The following ARHGEF10L variants were observed in gnomAD, a reference collection of about 807,000 sequenced individuals.
ARHGEF10L encodes the protein rho guanine nucleotide exchange factor 10-like protein.
A neutral mutation model predicts 141.2 loss-of-function variants in ARHGEF10L; 69 were observed. That is an observed-to-expected ratio of 0.49 (90% CI 0.40 to 0.60). The LOEUF (loss-of-function observed/expected upper bound fraction) is 0.60, where lower values mean the gene tolerates loss of function less well. Ranked by LOEUF, ARHGEF10L falls within the 20% of genes least tolerant of loss-of-function variation. ARHGEF10L has a pLI of 0.00. For missense variants in ARHGEF10L, 1,482 were observed against 1,734.3 expected (o/e 0.85, Z 2.58); for synonymous variants, 711 against 718.5 (o/e 0.99, Z 0.17).
chr1:17,640,324 G>A, intron 21 of ARHGEF10L, 22 bp downstream of exon 21: 1 of 1,588,850 alleles, frequency 6.3e-7, no homozygotes, highest in African/African-American at 1.3e-5. Context: ...CCCAGGGAGA[G>A]TGCCTCAGGG....
chr1:17,572,194 G>A (rs563196448), intron 1 of ARHGEF10L, among the ~76,000 whole-genome samples: 6 of 152,316 alleles, frequency 3.9e-5, no homozygotes, highest in South Asian at 2.1e-4. Context: ...GGGAGGGTGC[G>A]GCCTGGGAGA....
intron 26 of ARHGEF10L, among the ~76,000 whole-genome samples, chr1:17,668,815 C>T (rs1313061826): frequency 1.3e-5 from 2 of 152,220 alleles, no homozygotes; most frequent in African/African-American, 4.8e-5. Context: ...TTTAATAAGC[C>T]ATGCTCCTGC....
chr1:17,691,907 C>T (rs1459703260), intron 27 of ARHGEF10L, among the ~76,000 whole-genome samples: 1 of 152,178 alleles, frequency 6.6e-6, no homozygotes, highest in African/African-American at 2.4e-5. Flanking sequence ...AGCCAAGGTA[C>T]TTGGCCAGGA....
rs748730506 is a variant in ARHGEF10L, at chr1:17,627,958, G to A, written c.1584+455G>A. ...AAGAGGGAGCTGGCAAAGTGGCTTC[G>A]TGATTGTCCTTAACACAAGAAGAAA... is the stretch of plus-strand genomic sequence containing the variant. On this transcript the variant is annotated intron_variant, in intron 15 of 28. Coordinates refer to ENST00000361221, the MANE Select transcript of ARHGEF10L (RefSeq NM_018125.4). This position sits in a 1 kb window ranked among gnomAD's most constrained non-coding sequence, Gnocchi z 4.0. 2.6e-5 allele frequency among the ~76,000 whole-genome samples: 4 copies of A among 152,000 alleles called. No homozygotes were observed. The highest frequency in any genetic ancestry group is 4.4e-5 in the Non-Finnish European group (3 of 68,016).
At position 17,623,044 on chromosome 1, in the gene ARHGEF10L, C is replaced by T. The variant is rs766538285; in HGVS notation, c.1069C>T (p.Arg357Cys). The T allele has an allele frequency of 6.2e-6, 10 of 1,613,986 alleles. No homozygotes were observed. Among genetic ancestry groups the T allele is most frequent in the African/African-American group, 2.7e-5 (2 of 74,944 alleles). The change falls in exon 12 of 29, where the codon CGC (arginine) becomes TGC (cysteine). Residue 357 changes from arginine to cysteine, a missense_variant. Physicochemically the swap from Arg to Cys is radical, Grantham distance 180. Transcript: ENST00000361221. The surrounding 1 kb of genome is among the most constrained non-coding windows in gnomAD (Gnocchi z 4.7). Reference protein sequence around the residue: ...MEMEPKALSARKCQVVFFRVK... With the variant: ...MEMEPKALSACKCQVVFFRVK... ...GATGGAGCCCAAGGCGCTGAGCGCC[C>T]GCAAGTGCCAGGTGGTGTTCTTCCG...
At chr1:17,612,492 A>G (rs1247008901) in intron 7 of ARHGEF10L, among the ~76,000 whole-genome samples, 1 of 151,940 alleles carries the variant, frequency 6.6e-6, no homozygotes, top group Non-Finnish European at 1.5e-5. Context: ...CCATCCCTCT[A>G]TGAGCCTGTT....
intron 2 of ARHGEF10L, 39 bp from the exon 3 acceptor site, chr1:17,587,421 G>A (rs773436520): frequency 1.1e-5 from 18 of 1,591,802 alleles, no homozygotes; most frequent in South Asian, 6.8e-5. Context: ...ACCAAACCTC[G>A]GAGATCCTGC....
chr1:17,593,008 G>A (rs2079700750), intron 4 of ARHGEF10L, among the ~76,000 whole-genome samples: 1 of 152,172 alleles, frequency 6.6e-6, no homozygotes. Flanking sequence ...TCCGAGGGTA[G>A]AAACAAGGGC....
intron 6 of ARHGEF10L, chr1:17,604,489 A>G (rs2080990793): frequency 6.6e-6 from 1 of 152,230 alleles, no homozygotes; most frequent in Non-Finnish European, 1.5e-5. Context: ...CTCTCCGTCC[A>G]ATGGGGAAGC....
rs1472436534 is a variant in ARHGEF10L, at chr1:17,539,723, G to C, written c.-271G>C. On this transcript the variant is annotated 5_prime_UTR_variant, in exon 1 of 29. Coordinates refer to ENST00000361221, the MANE Select transcript of ARHGEF10L (RefSeq NM_018125.4). The surrounding 1 kb of genome is among the most constrained non-coding windows in gnomAD (Gnocchi z 6.0). ...GCGTCGCGCACGGCGGCGGCGGCGG[G>C]ACCAGGCCTCGGAGCGCGGCGGGCG... is the stretch of plus-strand genomic sequence containing the variant. The C allele has an allele frequency of 1.4e-5, 2 of 146,546 alleles. No individual in the cohort carries two copies. The highest frequency in any genetic ancestry group is 2.0e-4 in the East Asian group (1 of 5,080). 9.1% of individuals were successfully genotyped at this position (146,546 alleles called of 1,614,324 possible).
At chr1:17,693,317 A>G (rs1039138826) in intron 27 of ARHGEF10L, among the ~76,000 whole-genome samples, 1 of 152,188 alleles carries the variant, frequency 6.6e-6, no homozygotes, top group East Asian at 1.9e-4. Context: ...CTCTATGTAC[A>G]TGGTCCCAGC....
At chr1:17,666,822 C>T (rs1264461456) in intron 26 of ARHGEF10L, among the ~76,000 whole-genome samples, 6 of 149,554 alleles carry the variant, frequency 4.0e-5, no homozygotes, top group Non-Finnish European at 5.9e-5. Context: ...CCCTTCCCAG[C>T]CCCTGGTTCA....
chr1:17,653,180 T>G (rs77072467), intron 22 of ARHGEF10L, among the ~76,000 whole-genome samples: 1 of 152,064 alleles, frequency 6.6e-6, no homozygotes, highest in East Asian at 1.9e-4. Context: ...GCTCTGTAGG[T>G]GAGGACCTGA....
At chr1:17,537,797 T>C (rs2076596778), upstream of ARHGEF10L, among the ~76,000 whole-genome samples, 1 of 139,680 alleles carries the variant, frequency 7.2e-6, no homozygotes, top group African/African-American at 2.7e-5. Context: ...TGGGATGATC[T>C]CTTGAGCCCA....
intron 27 of ARHGEF10L, among the ~76,000 whole-genome samples, chr1:17,690,341 C>T (rs1196854307): frequency 6.6e-6 from 1 of 152,366 alleles, no homozygotes; most frequent in South Asian, 2.1e-4. Flanking sequence ...TTCCCATCCT[C>T]GGTCCCTACC....
At chr1:17,518,798 G>A in the ARHGEF10L span, among the ~76,000 whole-genome samples, 97 of 73,416 alleles carry the variant, frequency 1.3e-3, 1 homozygote, top group Admixed American at 4.9e-3. Context: ...GCAAGATTCT[G>A]TCTCAAAAAA....
At chr1:17,682,035 T>C (rs80020342) in intron 26 of ARHGEF10L, among the ~76,000 whole-genome samples, 1,538 of 152,294 alleles carry the variant, frequency 0.01, 35 homozygotes, top group African/African-American at 0.035. Context: ...ATCATTATTA[T>C]TTTTGATGTT....
At chr1:17,653,486 C>T (rs1352284859) in intron 22 of ARHGEF10L, among the ~76,000 whole-genome samples, 5 of 152,216 alleles carry the variant, frequency 3.3e-5, no homozygotes, top group African/African-American at 7.2e-5. Flanking sequence ...GCCGTGGCCT[C>T]GTCTCCACCA....
intron 1 of ARHGEF10L, among the ~76,000 whole-genome samples, chr1:17,570,198 G>A (rs968782417): frequency 2.6e-5 from 4 of 152,248 alleles, no homozygotes; most frequent in African/African-American, 7.2e-5. Flanking sequence ...GTGAACAGTG[G>A]TCACAGTCCT....
Sources: gnomAD v4.1 joint callset for allele counts (sites outside exome capture counted in the v4.1 genomes callset) on GRCh38, gnomAD v4.1.1 for gene constraint, Gnocchi (gnomAD v3.1) non-coding constraint, MANE v1.5 for transcripts, NCBI Gene and HGNC (gene_info 2026-07-23, HGNC 2026-07-21) for gene names.